Variants in GPC6 observed in about 807,000 individuals in gnomAD.
The protein encoded by GPC6 is glypican-6.
A neutral mutation model predicts 55.2 loss-of-function variants in GPC6; 14 were observed. The ratio of observed to expected loss-of-function variants is 0.25; its 90% CI spans 0.17 to 0.40. The LOEUF is 0.40. Ranked by LOEUF, GPC6 falls within the 10% of genes least tolerant of loss-of-function variation. GPC6 has a pLI of 1.00. For missense variants in GPC6, 641 were observed against 708.5 expected (o/e 0.90, Z 1.08); for synonymous variants, 278 against 259.6 (o/e 1.07, Z -0.68).
chr13:93,742,973 C>T (rs138215343), intron 2 of GPC6, among the ~76,000 whole-genome samples: 12 of 151,932 alleles, frequency 7.9e-5, no homozygotes, highest in East Asian at 3.9e-4. Flanking sequence ...TTTTAGGGGT[C>T]GTGTACAGGA....
At position 93,247,286 on chromosome 13, in the gene GPC6, A is replaced by G. The variant is rs542609878; in HGVS notation, c.160+19670A>G. Among the ~76,000 whole-genome samples the G allele has an allele frequency of 2.0e-5, 3 of 152,274 alleles. No individual in the cohort carries two copies. The East Asian group carries it at 5.8e-4, about 29-fold the overall frequency. On this transcript the variant is annotated intron_variant, in intron 1 of 8. Coordinates refer to ENST00000377047, the MANE Select transcript of GPC6 (RefSeq NM_005708.5). ...TTTGACCTCTGTTTTCTGTTGGCCTAACAAATGTTTTTGCAGAGTTTAGGA... is the reference window on the plus strand; with the variant it reads ...TTTGACCTCTGTTTTCTGTTGGCCTGACAAATGTTTTTGCAGAGTTTAGGA...
intron 4 of GPC6, among the ~76,000 whole-genome samples, chr13:94,052,331 T>C (rs1250346029): frequency 1.3e-5 from 2 of 152,146 alleles, no homozygotes; most frequent in Non-Finnish European, 2.9e-5. Flanking sequence ...GAAGGTACTT[T>C]GTCTAAAAAA....
chr13:93,647,641 A>T (rs1174138714), intron 2 of GPC6, among the ~76,000 whole-genome samples: 1 of 152,174 alleles, frequency 6.6e-6, no homozygotes, highest in Admixed American at 6.5e-5. Context: ...CCTGCCCATC[A>T]TGGTCACTAA....
chr13:94,216,415 G>A (rs1447904264), intron 4 of GPC6, among the ~76,000 whole-genome samples: 1 of 152,082 alleles, frequency 6.6e-6, no homozygotes, highest in Non-Finnish European at 1.5e-5. Flanking sequence ...ACTTCACATT[G>A]TGCAAAATAC....
At chr13:94,375,339 T>C (rs1469371999) in intron 6 of GPC6, among the ~76,000 whole-genome samples, 1 of 151,844 alleles carries the variant, frequency 6.6e-6, no homozygotes, top group Non-Finnish European at 1.5e-5. Context: ...AAGAATCAAG[T>C]AGACACAATA....
chr13:93,244,334 A>G (rs1471107265), intron 1 of GPC6, among the ~76,000 whole-genome samples: 1 of 152,160 alleles, frequency 6.6e-6, no homozygotes. Flanking sequence ...CCCCCGCAAG[A>G]CAGAAACCGC....
intron 4 of GPC6, among the ~76,000 whole-genome samples, chr13:94,284,160 T>A (rs544084020): frequency 6.6e-6 from 1 of 152,248 alleles, no homozygotes; most frequent in East Asian, 1.9e-4. Flanking sequence ...GGCTGCTCAG[T>A]GGGCCATGCA....
intron 4 of GPC6, among the ~76,000 whole-genome samples, chr13:94,045,508 T>C (rs1883699130): frequency 6.6e-6 from 1 of 151,904 alleles, no homozygotes; most frequent in Non-Finnish European, 1.5e-5. Context: ...AACCTTTGTT[T>C]TGTGATCAGT....
chr13:93,845,358 A>T (rs576822679), intron 3 of GPC6, among the ~76,000 whole-genome samples: 108 of 148,606 alleles, frequency 7.3e-4, no homozygotes, highest in African/African-American at 2.5e-3. Context: ...GATGTGGAGA[A>T]ATAGGAACAC....
Position 93,848,333 on chromosome 13 carries a change from G to A in GPC6, c.711+17788G>A, listed in dbSNP as rs375460910. Reference sequence around the variant, plus strand: ...AAATTTCAAGCAACACAATCATTTTGTAACTTTCGTTTTGTGTTGCTTTCT... The same window carrying A: ...AAATTTCAAGCAACACAATCATTTTATAACTTTCGTTTTGTGTTGCTTTCT... On this transcript the variant is annotated intron_variant, in intron 3 of 8. Coordinates refer to ENST00000377047, the MANE Select transcript of GPC6 (RefSeq NM_005708.5). Among the ~76,000 whole-genome samples, 5 of 152,072 alleles carry A rather than the reference G, an allele frequency of 3.3e-5. No homozygotes were observed. In the South Asian group the frequency reaches 6.2e-4, roughly 19 times the overall value.
chr13:93,496,332 C>G (rs890682083), intron 1 of GPC6, among the ~76,000 whole-genome samples: 1 of 152,218 alleles, frequency 6.6e-6, no homozygotes, highest in Non-Finnish European at 1.5e-5. Context: ...AAAGGAACTC[C>G]CTGACCCCTT....
In GPC6 at chr13:94,034,247, A is replaced by AGGAAGGAAGGGAG. The variant is rs141372123; in HGVS notation, c.877+6357_877+6358insGGAAGGGAGGGAA. Among the ~76,000 whole-genome samples, 9 of 147,042 alleles carry AGGAAGGAAGGGAG rather than the reference A, an allele frequency of 6.1e-5. No individual in the cohort carries two copies. The East Asian group carries it at 1.8e-3, about 30-fold the overall frequency. Reference sequence around the variant, plus strand: ...AAGGAAGGAAGGAAGGAAGGAAGGAAGGAAAGAAAGAAAGAAAAGAGTTGG... The same window carrying AGGAAGGAAGGGAG: ...AAGGAAGGAAGGAAGGAAGGAAGGAAGGAAGGAAGGGAGGGAAAGAAAGAAAGAAAAGAGTTGG... On this transcript the variant is annotated intron_variant, in intron 4 of 8. Transcript: ENST00000377047.
In GPC6 at chr13:93,997,604, T is replaced by TGC. The variant is rs1286023903; in HGVS notation, c.712-30124_712-30123insCG. Among the ~76,000 whole-genome samples, 461 of 150,878 alleles carry TGC rather than the reference T, an allele frequency of 3.1e-3. 6 individuals are homozygous for TGC. Among genetic ancestry groups the TGC allele is most frequent in the East Asian group, 2.7e-3 (14 of 5,182 alleles). On this transcript the variant is annotated intron_variant, in intron 3 of 8. Transcript: ENST00000377047. ...ATATGTGTGTGTGTGTGTGTGTGTG[T>TGC]GTGCATGCACGCTTGTGTATAAAAC...
chr13:93,545,495 A>G, intron 2 of GPC6, 74 bp downstream of exon 2: 1 of 1,278,678 alleles, frequency 7.8e-7, no homozygotes. Flanking sequence ...CATATGAAAA[A>G]TATTTTTTTA....
the GPC6 span, among the ~76,000 whole-genome samples, chr13:93,216,825 G>A: frequency 2.4e-3 from 367 of 152,300 alleles, no homozygotes; most frequent in African/African-American, 8.2e-3. Context: ...CTCCTACTGA[G>A]TAGAAGAGAG....
At chr13:94,156,981 C>G (rs1887970431) in intron 4 of GPC6, among the ~76,000 whole-genome samples, 1 of 152,134 alleles carries the variant, frequency 6.6e-6, no homozygotes, top group African/African-American at 2.4e-5. Context: ...GAAAACCTAC[C>G]TATCCTGATT....
At chr13:94,225,322 T>C (rs1575828) in intron 4 of GPC6, among the ~76,000 whole-genome samples, 14,674 of 152,168 alleles carry the variant, frequency 0.096, 845 homozygotes, top group East Asian at 0.23. Flanking sequence ...TCCCCAAAAA[T>C]GTTTTGTGAA....
chr13:94,284,964 A>G lies in GPC6; in HGVS notation c.878-1385A>G, dbSNP rs116441317. ...TGATCCTGAAGTTTTGAGCCAGTGT[A>G]TACTGGCTTTGGAGTCCTCAAAGGA... On this transcript the variant is annotated intron_variant, in intron 4 of 8. Transcript: ENST00000377047. 9.5e-3 allele frequency among the ~76,000 whole-genome samples: 1,442 copies of G among 151,908 alleles called. 24 individuals are homozygous for G. The highest frequency in any genetic ancestry group is 0.031 in the African/African-American group (1,304 of 41,528).
intron 1 of GPC6, among the ~76,000 whole-genome samples, chr13:93,528,684 A>G (rs1269211392): frequency 2.0e-5 from 3 of 152,216 alleles, no homozygotes; most frequent in African/African-American, 7.2e-5. Context: ...AGTTGTGAGC[A>G]GGTCTGAAAT....
Sources: allele counts gnomAD v4.1 joint callset (sites outside exome capture counted in the v4.1 genomes callset), GRCh38; gene constraint gnomAD v4.1.1; transcripts MANE v1.5; gene names NCBI Gene and HGNC (gene_info 2026-07-23, HGNC 2026-07-21).